The following LEKR1 variants were observed in gnomAD, a reference collection of about 807,000 sequenced individuals.
LEKR1 encodes leucine, glutamate and lysine rich 1, also known as protein LEKR1.
LEKR1 carries 59 observed loss-of-function variants against 72.4 expected under a neutral mutation model. The observed-to-expected ratio is 0.82, with a 90% CI of 0.66 to 1.01. LEKR1 has a LOEUF of 1.01. Among genes scored for constraint, LEKR1 ranks in the 50% least tolerant of loss-of-function variants. LEKR1 has a pLI of 0.00. For missense variants in LEKR1, 728 were observed against 759.2 expected (o/e 0.96, Z 0.48); for synonymous variants, 257 against 263.2 (o/e 0.98, Z 0.23).
Position 157,045,613 on chromosome 3 carries a change from T to G in LEKR1, c.1942T>G (p.Ser648Ala). 1.2e-6 allele frequency: 2 copies of G among 1,614,022 alleles called. No homozygotes were observed. Among genetic ancestry groups the G allele is most frequent in the South Asian group, 2.2e-5 (2 of 91,078 alleles). The change falls in exon 13 of 13, where the codon TCA becomes GCA. Residue 648 changes from serine to alanine, a missense_variant. Physicochemically the swap from Ser to Ala is moderately conservative, Grantham distance 99. Coordinates refer to ENST00000356539, the MANE Select transcript of LEKR1 (RefSeq NM_001004316.3). Reference sequence around the variant, plus strand: ...GTCAAAACCCACCACTTTCCCAACCTCAGATAAGCCGAAGAGGGTTAGATC... The same window carrying G: ...GTCAAAACCCACCACTTTCCCAACCGCAGATAAGCCGAAGAGGGTTAGATC... ...GVSKPTTFPTSDKPKRVRSGV... is the reference protein window; with the variant it reads ...GVSKPTTFPTADKPKRVRSGV...
chr3:157,026,323 C>T (rs545528161), intron 11 of LEKR1, among the ~76,000 whole-genome samples: 61 of 152,250 alleles, frequency 4.0e-4, no homozygotes, highest in Non-Finnish European at 7.5e-4. Context: ...GACAGGCAAG[C>T]TGGAACTTGC....
chr3:157,000,473 C>T (rs1173695168), intron 9 of LEKR1, among the ~76,000 whole-genome samples: 1 of 151,944 alleles, frequency 6.6e-6, no homozygotes, highest in Admixed American at 6.6e-5. Flanking sequence ...CCAACTTGAC[C>T]ACTGTTAAGC....
intron 6 of LEKR1, among the ~76,000 whole-genome samples, chr3:156,965,736 T>C (rs965210002): frequency 9.9e-5 from 15 of 152,214 alleles, no homozygotes; most frequent in Admixed American, 9.8e-4. Context: ...ATTATGTAAG[T>C]GGCTGTATTA....
rs568437793 is a variant in LEKR1, at chr3:156,899,601, C to T, written c.264-20974C>T. Among the ~76,000 whole-genome samples the T allele has an allele frequency of 2.1e-4, 24 of 115,324 alleles. 1 individual carries two copies. The highest frequency in any genetic ancestry group is 6.2e-4 in the African/African-American group (17 of 27,280). The allele number at this position is 115,324 out of a possible 152,430, so 75.7% of individuals were successfully genotyped here. A position where few individuals can be genotyped will look rare whatever the true frequency, so the allele number is the denominator to read the frequency against. Reference sequence around the variant, plus strand: ...ACATATACATGTATATATACATATACGTATATATACACACATATATACACA... The same window carrying T: ...ACATATACATGTATATATACATATATGTATATATACACACATATATACACA... On this transcript the variant is annotated intron_variant, in intron 3 of 12. Transcript: ENST00000356539.
chr3:156,933,413 T>C (rs1044598689), intron 5 of LEKR1, among the ~76,000 whole-genome samples: 2 of 152,198 alleles, frequency 1.3e-5, no homozygotes, highest in African/African-American at 4.8e-5. Flanking sequence ...CCTTTCACAT[T>C]TTTACCAGCA....
At chr3:156,963,976 G>A (rs1728341968) in intron 6 of LEKR1, among the ~76,000 whole-genome samples, 3 of 152,308 alleles carry the variant, frequency 2.0e-5, no homozygotes, top group East Asian at 3.9e-4. Context: ...GGGGAAGGCA[G>A]AAGAGGTCTA....
chr3:156,982,857 A>G (rs368647799), intron 7 of LEKR1, among the ~76,000 whole-genome samples: 533 of 58,570 alleles, frequency 9.1e-3, no homozygotes, highest in African/African-American at 0.029. Flanking sequence ...GTGTGTGTGT[A>G]GATAGATAGA....
At chr3:156,969,891 A>G (rs1057137548) in intron 6 of LEKR1, among the ~76,000 whole-genome samples, 1 of 152,200 alleles carries the variant, frequency 6.6e-6, no homozygotes, top group Non-Finnish European at 1.5e-5. Context: ...CTGGCAAACC[A>G]TATCCAGCAG....
At chr3:156,837,224 T>G (rs576923299) in intron 2 of LEKR1, among the ~76,000 whole-genome samples, 1 of 152,314 alleles carries the variant, frequency 6.6e-6, no homozygotes, top group South Asian at 2.1e-4. Context: ...CCCCAAGAAT[T>G]CACTCTCTGT....
chr3:156,999,691 G>C lies in LEKR1; in HGVS notation c.1109+6414G>C, dbSNP rs192449595. Among the ~76,000 whole-genome samples, 67 of 152,274 alleles carry C rather than the reference G, an allele frequency of 4.4e-4. 1 individual carries two copies. Among genetic ancestry groups the C allele is most frequent in the Non-Finnish European group, 5.1e-4 (35 of 68,020 alleles). On this transcript the variant is annotated intron_variant, in intron 9 of 12. Transcript: ENST00000356539. ...TCCTTACCAAGCCCTGTGTCCATAG[G>C]TCTTCCCTCAGACGGAGGGAGCGCT...
intron 6 of LEKR1, among the ~76,000 whole-genome samples, chr3:156,970,996 G>A (rs984322942): frequency 4.6e-5 from 7 of 151,468 alleles, no homozygotes; most frequent in Non-Finnish European, 8.9e-5. Context: ...CTACTTTAAA[G>A]TTCATATGGA....
At position 157,016,014 on chromosome 3, in the gene LEKR1, A is replaced by G. The variant is rs1271095298; in HGVS notation, c.1203+4508A>G. On this transcript the variant is annotated intron_variant, in intron 10 of 12. Coordinates refer to ENST00000356539, the MANE Select transcript of LEKR1 (RefSeq NM_001004316.3). ...AGACACAGCAATAGAAAAACTTTTTAAATAAAACAAGATAGAATAGACTCC... is the reference window on the plus strand; with the variant it reads ...AGACACAGCAATAGAAAAACTTTTTGAATAAAACAAGATAGAATAGACTCC... Among the ~76,000 whole-genome samples the G allele has an allele frequency of 2.6e-5, 4 of 152,146 alleles. No individual in the cohort carries two copies. In the East Asian group the frequency reaches 5.8e-4, roughly 22 times the overall value.
chr3:156,919,044 C>T (rs1166752654), intron 3 of LEKR1, among the ~76,000 whole-genome samples: 1 of 152,116 alleles, frequency 6.6e-6, no homozygotes, highest in Non-Finnish European at 1.5e-5. Context: ...GATTAGTTCC[C>T]AAGATAGCAG....
chr3:156,994,915 A>G (rs1731433544), intron 9 of LEKR1, among the ~76,000 whole-genome samples: 1 of 152,234 alleles, frequency 6.6e-6, no homozygotes, highest in Admixed American at 6.5e-5. Context: ...CATTGAGAAG[A>G]ACCTGTCTTT....
At chr3:156,902,709 G>GTT (rs61658785) in intron 3 of LEKR1, among the ~76,000 whole-genome samples, 50,775 of 151,760 alleles carry the variant, frequency 0.33, 11,081 homozygotes, top group African/African-American at 0.62. Flanking sequence ...CACTTAAGGT[G>GTT]AGTTCCTGGT....
At chr3:157,018,328 A>G (rs1346120867) in intron 10 of LEKR1, among the ~76,000 whole-genome samples, 1 of 152,230 alleles carries the variant, frequency 6.6e-6, no homozygotes, top group Non-Finnish European at 1.5e-5. Context: ...AACAAACTTG[A>G]CCTAAATTAT....
At chr3:156,868,642 A>G (rs1717579081) in intron 3 of LEKR1, among the ~76,000 whole-genome samples, 2 of 152,068 alleles carry the variant, frequency 1.3e-5, no homozygotes, top group African/African-American at 4.8e-5. Context: ...TGTGGTATCC[A>G]TCACCTTGAG....
intron 9 of LEKR1, among the ~76,000 whole-genome samples, chr3:157,009,484 C>T (rs1011634610): frequency 2.6e-5 from 4 of 152,056 alleles, no homozygotes; most frequent in African/African-American, 9.7e-5. Context: ...TAGAAGTGGT[C>T]AATTCCATAT....
chr3:156,983,080 TC>T (rs1730374391), intron 7 of LEKR1, among the ~76,000 whole-genome samples: 1 of 152,108 alleles, frequency 6.6e-6, no homozygotes, highest in Non-Finnish European at 1.5e-5. Flanking sequence ...TGATAAAACA[TC>T]ATCAGCATTT....
Sources: allele counts gnomAD v4.1 joint callset (sites outside exome capture counted in the v4.1 genomes callset), GRCh38; gene constraint gnomAD v4.1.1; transcripts MANE v1.5; gene names NCBI Gene and HGNC (gene_info 2026-07-23, HGNC 2026-07-21).